ZSWIM6: variants seen among roughly 807,000 people sequenced by gnomAD.
ZSWIM6 encodes zinc finger SWIM domain-containing protein 6.
A neutral mutation model predicts 113.2 loss-of-function variants in ZSWIM6; 9 were observed. That is an observed-to-expected ratio of 0.08 (90% CI 0.05 to 0.14). The LOEUF (loss-of-function observed/expected upper bound fraction) is 0.14, where lower values mean the gene tolerates loss of function less well. Among genes scored for constraint, ZSWIM6 ranks in the 10% least tolerant of loss-of-function variants. ZSWIM6 has a pLI of 1.00. For synonymous variants in ZSWIM6, 611 were observed against 606.5 expected, an observed-to-expected ratio of 1.01 and a Z score of -0.11; for missense variants, 1,162 against 1,552.2, an observed-to-expected ratio of 0.75 and a Z score of 4.22.
At chr5:61,382,504 G>A (rs1745505452) in intron 1 of ZSWIM6, among the ~76,000 whole-genome samples, 1 of 152,086 alleles carries the variant, frequency 6.6e-6, no homozygotes, top group African/African-American at 2.4e-5. Flanking sequence ...TGCCTTATGT[G>A]TAGAAAGAAA....
In ZSWIM6 at chr5:61,544,203, C is replaced by T. The variant is rs746123360; in HGVS notation, c.3534C>T (p.Thr1178=). 19 of 1,551,630 alleles carry T rather than the reference C, an allele frequency of 1.2e-5. No individual in the cohort carries two copies. The highest frequency in any genetic ancestry group is 1.7e-5 in the Non-Finnish European group (19 of 1,146,970). ...AGTTCCTCAGCAAAGCCCGAGAGAC[C>T]TTCTTAATGGCGCATGATGGACACA... The part of the protein sequence containing the change: ...FIEFLSKARE[T]FLMAHDGHIQ... The change falls in exon 14 of 14, where the codon ACC becomes ACT. Residue 1178 remains threonine, a synonymous_variant. Transcript: ENST00000252744.
At chr5:61,423,469 C>T (rs1208594284) in intron 1 of ZSWIM6, among the ~76,000 whole-genome samples, 1 of 151,278 alleles carries the variant, frequency 6.6e-6, no homozygotes, top group Non-Finnish European at 1.5e-5. Flanking sequence ...TGAAAATGGG[C>T]ATCCTTGTTG....
At chr5:61,494,749 T>C (rs945514280) in intron 4 of ZSWIM6, among the ~76,000 whole-genome samples, 3 of 152,202 alleles carry the variant, frequency 2.0e-5, no homozygotes, top group Non-Finnish European at 4.4e-5. Context: ...ATATTGTAAT[T>C]GATTCAGCTA....
At chr5:61,357,451 G>C (rs1490767142) in intron 1 of ZSWIM6, among the ~76,000 whole-genome samples, 1 of 152,024 alleles carries the variant, frequency 6.6e-6, no homozygotes, top group Non-Finnish European at 1.5e-5. Flanking sequence ...TGCAGCCATT[G>C]CTGGAAACAC....
At chr5:61,436,212 A>AT in intron 1 of ZSWIM6, among the ~76,000 whole-genome samples, 1 of 152,252 alleles carries the variant, frequency 6.6e-6, no homozygotes, top group East Asian at 1.9e-4. Context: ...AAAAAAAAAA[A>AT]AAAAAATGTA....
At chr5:61,512,647 T>G (rs190520845) in intron 4 of ZSWIM6, among the ~76,000 whole-genome samples, 1 of 152,250 alleles carries the variant, frequency 6.6e-6, no homozygotes, top group East Asian at 1.9e-4. Flanking sequence ...GGTTAAAAAT[T>G]TTTTTTATAA....
At chr5:61,473,142 G>A (rs192599754) in intron 2 of ZSWIM6, 105 bp downstream of exon 2, 3 of 721,330 alleles carry the variant, frequency 4.2e-6, no homozygotes, top group Non-Finnish European at 2.1e-6. Context: ...TAGATCATCA[G>A]CATTGCTCTT....
At chr5:61,336,862 G>A (rs1473130062) in intron 1 of ZSWIM6, among the ~76,000 whole-genome samples, 1 of 152,190 alleles carries the variant, frequency 6.6e-6, no homozygotes, top group Non-Finnish European at 1.5e-5. Context: ...CCAAAGGTTG[G>A]TAGAAAACTT....
At chr5:61,491,059 A>C in intron 3 of ZSWIM6, 125 bp downstream of exon 3, 2 of 861,394 alleles carry the variant, frequency 2.3e-6, no homozygotes, top group Non-Finnish European at 3.2e-6. Context: ...TTAGCTGACC[A>C]ATAGAAACTT....
intron 1 of ZSWIM6, among the ~76,000 whole-genome samples, chr5:61,456,408 A>G (rs924229194): frequency 2.6e-5 from 4 of 152,200 alleles, no homozygotes; most frequent in African/African-American, 9.7e-5. Context: ...AAGTATGTAA[A>G]TGTAGACTTG....
At position 61,543,502 on chromosome 5, in the gene ZSWIM6, A is replaced by G; in HGVS notation, c.2833A>G (p.Thr945Ala). The G allele has an allele frequency of 6.5e-7, 1 of 1,549,732 alleles. No homozygotes were observed. The highest frequency in any genetic ancestry group is 2.0e-5 in the Admixed American group (1 of 50,808). ...CATGCAGACCTGGTTTACACTCTTT[A>G]CTCCCACCGAGGCCACAAGTATAGT... ...SIMQTWFTLF[T>A]PTEATSIVAT... The change falls in exon 14 of 14, where the codon ACT (threonine) becomes GCT (alanine). Residue 945 changes from threonine (T) to alanine (A), a missense_variant. By Grantham distance (58) the Thr-to-Ala change is moderately conservative. Around this residue, in one of 4 missense-constraint regions of ZSWIM6, gnomAD observed 620 missense variants for 804.6 expected, o/e 0.77. Coordinates refer to ENST00000252744, the MANE Select transcript of ZSWIM6 (RefSeq NM_020928.2). The surrounding 1 kb of genome is among the most constrained non-coding windows in gnomAD (Gnocchi z 4.3).
chr5:61,373,787 T>TC (rs1241489704), intron 1 of ZSWIM6, among the ~76,000 whole-genome samples: 3 of 151,942 alleles, frequency 2.0e-5, no homozygotes, highest in East Asian at 1.9e-4. Flanking sequence ...CATATCTTAC[T>TC]CCCCCCCACT....
Position 61,402,155 on chromosome 5 carries a change from G to A in ZSWIM6, c.676+69207G>A, listed in dbSNP as rs1745951601. ...AATGGAACATGTACATCCTGAGTTT[G>A]TAGATATTTCTGTGTTTGGGATGCC... is the stretch of plus-strand genomic sequence containing the variant. On this transcript the variant is annotated intron_variant, in intron 1 of 13. Coordinates refer to ENST00000252744, the MANE Select transcript of ZSWIM6 (RefSeq NM_020928.2). 2.0e-5 allele frequency among the ~76,000 whole-genome samples: 3 copies of A among 152,274 alleles called. No individual in the cohort carries two copies. The South Asian group carries it at 6.2e-4, about 32-fold the overall frequency.
chr5:61,370,792 A>G (rs1222774683), intron 1 of ZSWIM6, among the ~76,000 whole-genome samples: 1 of 152,260 alleles, frequency 6.6e-6, no homozygotes, highest in African/African-American at 2.4e-5. Context: ...AGCAATGGAT[A>G]TTAGCATAGT....
Position 61,531,688 on chromosome 5 carries a change from G to C in ZSWIM6, c.2208G>C (p.Val736=). 6.4e-7 allele frequency: 1 copy of C among 1,551,712 alleles called. No individual in the cohort carries two copies. Among genetic ancestry groups the C allele is most frequent in the Non-Finnish European group, 8.7e-7 (1 of 1,146,982 alleles). Residue 736 remains valine, a synonymous_variant, in exon 9 of 14, where the codon GTG becomes GTC. Coordinates refer to ENST00000252744, the MANE Select transcript of ZSWIM6 (RefSeq NM_020928.2). ...LQEIELDDTL[V]KIFRKQAVFL... ...AAATTGAATTGGATGACACACTGGT[G>C]AAAATTTTTCGCAAGCAAGCAGTCT...
chr5:61,448,911 T>G (rs1465905551), intron 1 of ZSWIM6, among the ~76,000 whole-genome samples: 1 of 151,912 alleles, frequency 6.6e-6, no homozygotes, highest in Non-Finnish European at 1.5e-5. Flanking sequence ...ATGTAGGATA[T>G]TTTGACATTT....
chr5:61,535,287 T>C (rs1360499707), intron 9 of ZSWIM6, among the ~76,000 whole-genome samples, 197 bp from the exon 10 acceptor site: 1 of 152,214 alleles, frequency 6.6e-6, no homozygotes, highest in African/African-American at 2.4e-5. Flanking sequence ...GGGGTTTGTT[T>C]ATGAGGTGAA....
chr5:61,531,761 A>G (rs1156337211), intron 9 of ZSWIM6, 36 bp downstream of exon 9: 50 of 1,545,230 alleles, frequency 3.2e-5, no homozygotes, highest in Non-Finnish European at 4.1e-5. Flanking sequence ...TTATTTAGCC[A>G]ATTTGACTTA....
chr5:61,347,915 T>C (rs932228637), intron 1 of ZSWIM6, among the ~76,000 whole-genome samples: 5 of 152,140 alleles, frequency 3.3e-5, no homozygotes, highest in Non-Finnish European at 7.4e-5. Flanking sequence ...TGTGATCTTT[T>C]TGAATTAAAA....
Sources: gnomAD v4.1 joint callset for allele counts (sites outside exome capture counted in the v4.1 genomes callset) on GRCh38, gnomAD v4.1.1 for gene constraint, gnomAD v4.1.1 regional missense constraint, Gnocchi (gnomAD v3.1) non-coding constraint, MANE v1.5 for transcripts, NCBI Gene and HGNC (gene_info 2026-07-23, HGNC 2026-07-21) for gene names.